HIVEP3: variants seen among roughly 807,000 people sequenced by gnomAD.
HIVEP3 encodes transcription factor HIVEP3.
Under a neutral mutation model 152.8 loss-of-function variants are expected in HIVEP3, and 49 were observed. The observed-to-expected ratio is 0.32, with a 90% confidence interval of 0.26 to 0.41. The LOEUF is 0.41. Among genes scored for constraint, HIVEP3 ranks in the 10% least tolerant of loss-of-function variants. The pLI is 1.00. For synonymous variants in HIVEP3, 1,269 were observed against 1,289.0 expected, an observed-to-expected ratio of 0.98 and a Z score of 0.33; for missense variants, 2,790 against 3,103.3, an observed-to-expected ratio of 0.90 and a Z score of 2.40.
At chr1:41,773,245 T>A (rs1006183481) in intron 1 of HIVEP3, among the ~76,000 whole-genome samples, 5 of 152,128 alleles carry the variant, frequency 3.3e-5, no homozygotes, top group Non-Finnish European at 5.9e-5. Flanking sequence ...AAGAGTGAAG[T>A]CACTTGCCAA....
rs1646902326 is a variant in HIVEP3 at position 41,735,434 on chromosome 1, C to T, written c.-800-34439G>A. Among the ~76,000 whole-genome samples, 3 of 152,130 alleles carry T rather than the reference C, an allele frequency of 2.0e-5. No homozygotes were observed. The South Asian group carries it at 6.2e-4, about 32-fold the overall frequency. On this transcript the variant is annotated intron_variant, in intron 1 of 8. Transcript: ENST00000372583. Reference sequence around the variant, plus strand: ...ATTCTAGGAGGAGGGCATGAGTCCCCCTTGTCTGTGGGGAAAATGAGCCAC... The same window carrying T: ...ATTCTAGGAGGAGGGCATGAGTCCCTCTTGTCTGTGGGGAAAATGAGCCAC...
intron 1 of HIVEP3, among the ~76,000 whole-genome samples, chr1:41,932,253 G>A (rs112396111): frequency 5.5e-3 from 828 of 151,554 alleles, no homozygotes; most frequent in Non-Finnish European, 8.7e-3. Context: ...AATTTCATTG[G>A]TTGATTTTTC....
chr1:41,580,224 G>T lies in HIVEP3; in HGVS notation c.4574C>A (p.Ala1525Asp). 6.2e-7 allele frequency: 1 copy of T among 1,612,820 alleles called. No individual in the cohort carries two copies. The highest frequency in any genetic ancestry group is 8.5e-7 in the Non-Finnish European group (1 of 1,179,300). The change falls in exon 4 of 9, where the codon GCC (alanine) becomes GAC (aspartate). Residue 1525 changes from alanine (A) to aspartate (D), a missense_variant. This residue lies in a region of HIVEP3 where 1,078 missense variants were observed against 1,165.3 expected (regional missense o/e 0.93). Coordinates refer to ENST00000372583, the MANE Select transcript of HIVEP3 (RefSeq NM_024503.5). The stretch of plus-strand genomic sequence containing the variant: ...TTCCTTCAAAGCTTCTGAGCCTGGG[G>T]CTGTCCCATGGGACAATGCAGGGTG... ...LPHPALSHGT[A>D]PGSEALKEYP... is the part of the protein sequence containing the mutation.
intron 2 of HIVEP3, among the ~76,000 whole-genome samples, chr1:41,646,111 G>A (rs1248425963): frequency 6.6e-6 from 1 of 152,178 alleles, no homozygotes; most frequent in Non-Finnish European, 1.5e-5. Context: ...GCATTCAGGG[G>A]ATGCCAAGGT....
chr1:41,567,789 A>C (rs1055486987), intron 5 of HIVEP3, among the ~76,000 whole-genome samples: 3 of 152,252 alleles, frequency 2.0e-5, no homozygotes, highest in Non-Finnish European at 4.4e-5. Flanking sequence ...GTCTGCAAGG[A>C]AGAGTCCTTG....
Position 41,579,915 on chromosome 1 carries a change from G to A in HIVEP3, c.4883C>T (p.Ala1628Val). 6.2e-7 allele frequency: 1 copy of A among 1,614,262 alleles called. No homozygotes were observed. The highest frequency in any genetic ancestry group is 8.5e-7 in the Non-Finnish European group (1 of 1,180,044). ...GTTGTACAAACTTATGCACCAACCAGCGTAAACAGAGGACCTCCTATCTGC... is the reference window on the plus strand; with the variant it reads ...GTTGTACAAACTTATGCACCAACCAACGTAAACAGAGGACCTCCTATCTGC... ...QHADRRSSVY[A>V]GWCISLYNPN... Residue 1628 changes from alanine (A) to valine (V), a missense_variant, in exon 4 of 9, where the codon GCT (alanine) becomes GTT (valine). By Grantham distance (64) the Ala-to-Val change is moderately conservative. Around this residue, in one of 9 missense-constraint regions of HIVEP3, gnomAD observed 1,078 missense variants for 1,165.3 expected, o/e 0.93. Transcript: ENST00000372583.
chr1:41,528,783 C>A (rs1187240647), intron 5 of HIVEP3, among the ~76,000 whole-genome samples: 4 of 137,298 alleles, frequency 2.9e-5, no homozygotes, highest in African/African-American at 1.1e-4. Flanking sequence ...ACACTCCACA[C>A]CCCCACCCTC....
chr1:41,886,644 G>A (rs866763024), intron 1 of HIVEP3, among the ~76,000 whole-genome samples: 2 of 145,782 alleles, frequency 1.4e-5, no homozygotes, highest in South Asian at 2.3e-4. Context: ...CCTGGGAGGC[G>A]GAGGTTGTGG....
intron 1 of HIVEP3, among the ~76,000 whole-genome samples, chr1:41,729,523 C>A (rs189261847): frequency 5.3e-5 from 8 of 152,174 alleles, no homozygotes; most frequent in African/African-American, 1.7e-4. Context: ...CCGTCACTGA[C>A]CTTTTTATTC....
intron 1 of HIVEP3, among the ~76,000 whole-genome samples, chr1:41,794,180 G>A (rs1288662641): frequency 6.6e-6 from 1 of 152,216 alleles, no homozygotes; most frequent in African/African-American, 2.4e-5. Flanking sequence ...GAAGACGTAG[G>A]AAGAGCAATG....
chr1:41,769,260 C>T (rs35988463), intron 1 of HIVEP3, among the ~76,000 whole-genome samples: 65,917 of 152,086 alleles, frequency 0.43, 15,855 homozygotes, highest in Non-Finnish European at 0.56. Context: ...CGTGCACCTC[C>T]CTCAGCCCAT....
intron 1 of HIVEP3, among the ~76,000 whole-genome samples, chr1:42,020,734 G>A (rs895439313): frequency 7.2e-5 from 11 of 152,164 alleles, no homozygotes; most frequent in African/African-American, 2.7e-4. Context: ...CCTGCTTCAT[G>A]GAGTTTTCAT....
intron 1 of HIVEP3, among the ~76,000 whole-genome samples, chr1:42,011,631 G>T (rs1375864512): frequency 6.6e-6 from 1 of 152,110 alleles, no homozygotes; most frequent in Non-Finnish European, 1.5e-5. Flanking sequence ...CTTTCCACCT[G>T]GTCATTGCCC....
chr1:41,624,957 A>C (rs915319085), intron 3 of HIVEP3, among the ~76,000 whole-genome samples: 1 of 152,170 alleles, frequency 6.6e-6, no homozygotes, highest in Non-Finnish European at 1.5e-5. Flanking sequence ...CAAGGTCAGG[A>C]GTTTGAGACC....
chr1:42,004,083 C>G (rs1380131262), intron 1 of HIVEP3, among the ~76,000 whole-genome samples: 1 of 152,180 alleles, frequency 6.6e-6, no homozygotes, highest in East Asian at 1.9e-4. Context: ...TGCCACCTCT[C>G]CCAGCAAGTC....
intron 1 of HIVEP3, among the ~76,000 whole-genome samples, chr1:41,702,619 G>A (rs182895447): frequency 0.011 from 1,690 of 152,268 alleles, 9 homozygotes; most frequent in South Asian, 0.026. Flanking sequence ...TATTATTCAT[G>A]TTATTGTTAT....
Position 41,664,126 on chromosome 1 carries a change from C to G in HIVEP3, c.-720-35179G>C, listed in dbSNP as rs1047804916. 1.7e-4 allele frequency among the ~76,000 whole-genome samples: 26 copies of G among 152,202 alleles called. No individual in the cohort carries two copies. The highest frequency in any genetic ancestry group is 6.3e-4 in the African/African-American group (26 of 41,456). On this transcript the variant is annotated intron_variant, in intron 2 of 8. Transcript: ENST00000372583. The surrounding 1 kb of genome is among the most constrained non-coding windows in gnomAD (Gnocchi z 4.4). ...ACCCCCTCCAGCTGTCCTTCACACC[C>G]TGAATCCAAGCCTGCCCTTGATACA...
At chr1:41,608,452 T>C (rs1644852101) in intron 3 of HIVEP3, among the ~76,000 whole-genome samples, 1 of 152,204 alleles carries the variant, frequency 6.6e-6, no homozygotes, top group Admixed American at 6.5e-5. Flanking sequence ...GTTGGGGAAT[T>C]TGGCGGCCAC....
rs115552779 is a variant in HIVEP3 at position 42,016,354 on chromosome 1, G to A, written n.119+19453C>T. On this transcript the variant is annotated intron_variant and non_coding_transcript_variant, in intron 1 of 3. Coordinates refer to the HIVEP3 transcript ENST00000489103. ...CAGGAAAGAAATGCTTTCATTAGGA[G>A]TTTGATCTTTATCATGAAACTGGTA... Among the ~76,000 whole-genome samples, 171 of 152,168 alleles carry A rather than the reference G, an allele frequency of 1.1e-3. 2 individuals carry two copies. The highest frequency in any genetic ancestry group is 4.1e-3 in the African/African-American group (169 of 41,528).
Sources: gnomAD v4.1 joint callset for allele counts (sites outside exome capture counted in the v4.1 genomes callset) on GRCh38, gnomAD v4.1.1 for gene constraint, gnomAD v4.1.1 regional missense constraint, Gnocchi (gnomAD v3.1) non-coding constraint, MANE v1.5 for transcripts, NCBI Gene and HGNC (gene_info 2026-07-23, HGNC 2026-07-21) for gene names.